The following C2CD2 variants were observed in gnomAD, a reference collection of about 807,000 sequenced individuals.
C2CD2 encodes the protein C2 domain-containing protein 2.
Under a neutral mutation model 74.3 loss-of-function variants are expected in C2CD2, and 43 were observed. That is an observed-to-expected ratio of 0.58 (90% CI 0.45 to 0.75). The LOEUF is 0.75. Ranked by LOEUF, C2CD2 falls within the 30% of genes least tolerant of loss-of-function variation. The probability of loss-of-function intolerance (pLI) is 0.00; values close to 1 mark genes in which losing one functional copy is unlikely to be tolerated. For synonymous variants in C2CD2, 422 were observed against 390.7 expected (o/e 1.08, Z -0.94); for missense variants, 801 against 916.3 (o/e 0.87, Z 1.63).
At position 41,905,310 on chromosome 21, in the gene C2CD2, CT is replaced by C. The variant is rs137969894; in HGVS notation, c.1432+413del. ...TTAACAAAACAAAAGCAAATCAAAA[CT>C]TTTTTTTTTTTTTTTTTTTTTTAAG... On this transcript the variant is annotated intron_variant, in intron 11 of 13. Transcript: ENST00000380486. 3.6e-3 allele frequency among the ~76,000 whole-genome samples: 446 copies of C among 125,308 alleles called. 1 individual carries two copies. The highest frequency in any genetic ancestry group is 0.016 in the East Asian group (68 of 4,372). 82.2% of individuals were successfully genotyped at this position (125,308 alleles called of 152,430 possible).
At chr21:41,897,801 C>G (rs1453647492) in intron 13 of C2CD2, among the ~76,000 whole-genome samples, 1 of 152,194 alleles carries the variant, frequency 6.6e-6, no homozygotes, top group Non-Finnish European at 1.5e-5. Context: ...GACAGTCCAG[C>G]CCATGGCAGG....
At chr21:41,922,595 C>T (rs1443278269) in intron 2 of C2CD2, among the ~76,000 whole-genome samples, 1 of 152,120 alleles carries the variant, frequency 6.6e-6, no homozygotes, top group Non-Finnish European at 1.5e-5. Context: ...CCACCTCAGC[C>T]TCCCAAGTAG....
rs1038092488 is a variant in C2CD2 at position 41,901,342 on chromosome 21, C to T, written c.1560+280G>A. 18 of 495,998 alleles carry T rather than the reference C, an allele frequency of 3.6e-5. 2 individuals carry two copies. The South Asian group carries it at 3.8e-4, about 10-fold the overall frequency. The allele number at this position is 495,998 out of a possible 1,614,324, so 30.7% of individuals were successfully genotyped here. ...CAAAGGGGAGTCTTACATCATGTTC[C>T]TCTCTTTCGATAATTTTTCTTGAAA... On this transcript the variant is annotated intron_variant, in intron 12 of 13. Coordinates refer to ENST00000380486, the MANE Select transcript of C2CD2 (RefSeq NM_015500.2).
At chr21:41,931,570 G>C (rs1267667877) in intron 2 of C2CD2, among the ~76,000 whole-genome samples, 1 of 149,542 alleles carries the variant, frequency 6.7e-6, no homozygotes, top group East Asian at 2.0e-4. Context: ...CTACAGGCGC[G>C]TGCCACCACG....
chr21:41,901,738 A>G lies in C2CD2; in HGVS notation c.1444T>C (p.Leu482=), dbSNP rs1463694694. 1.2e-6 allele frequency: 2 copies of G among 1,614,028 alleles called. No homozygotes were observed. The highest frequency in any genetic ancestry group is 2.2e-5 in the East Asian group (1 of 44,896). Reference sequence around the variant, plus strand: ...TCAGCCACTGGATCCGAACCATTCAACACCAACAATTCTACCAGAAGGAAG... The same window carrying G: ...TCAGCCACTGGATCCGAACCATTCAGCACCAACAATTCTACCAGAAGGAAG... ...LSSSDTELLV[L]NGSDPVAEVA... is the part of the protein sequence containing the mutation. The change falls in exon 12 of 14, where the codon TTG becomes CTG. Residue 482 remains leucine, a synonymous_variant. Transcript: ENST00000380486.
rs117747810 is a variant in C2CD2 at position 41,932,735 on chromosome 21, G to A, written c.378+9412C>T. Among the ~76,000 whole-genome samples, 69 of 150,136 alleles carry A rather than the reference G, an allele frequency of 4.6e-4. 5 individuals are homozygous for A. Among genetic ancestry groups the A allele is most frequent in the Non-Finnish European group, 8.8e-4 (59 of 66,920 alleles). On this transcript the variant is annotated intron_variant, in intron 2 of 13. Coordinates refer to ENST00000380486, the MANE Select transcript of C2CD2 (RefSeq NM_015500.2). ...GGTGTGGACTCTGCACTTATCTATC[G>A]TTGGTCCTGTGGGATGACTCAAGCT...
intron 1 of C2CD2, among the ~76,000 whole-genome samples, chr21:41,946,166 AC>A (rs1463595064): frequency 1.3e-5 from 2 of 152,196 alleles, no homozygotes; most frequent in Non-Finnish European, 2.9e-5. Flanking sequence ...CACAAGATAC[AC>A]CAATGGTTGC....
At chr21:41,908,264 A>G (rs917398857) in intron 8 of C2CD2, 2 of 36,766 alleles carry the variant, frequency 5.4e-5, no homozygotes, top group Non-Finnish European at 1.3e-4. Context: ...TGTGTGTGTA[A>G]AAGAAAATGA....
At chr21:41,947,953 G>A (rs76383191) in intron 1 of C2CD2, among the ~76,000 whole-genome samples, 56 of 152,286 alleles carry the variant, frequency 3.7e-4, no homozygotes, top group Non-Finnish European at 5.9e-4. Context: ...GGAAGTTAGC[G>A]TTGGGGGAAT....
At chr21:41,930,864 C>A (rs954701685) in intron 2 of C2CD2, among the ~76,000 whole-genome samples, 1 of 150,140 alleles carries the variant, frequency 6.7e-6, no homozygotes, top group East Asian at 1.9e-4. Context: ...GGACCTCAGA[C>A]CCCCAGGGAA....
Position 41,899,999 on chromosome 21 carries a change from T to C in C2CD2, c.1561-637A>G, listed in dbSNP as rs1158453713. Reference sequence around the variant, plus strand: ...CCAGTCATGCTGTTCTTGGTGTGGGTGGCAGTGACACAGGCGTTTGCTTAG... The same window carrying C: ...CCAGTCATGCTGTTCTTGGTGTGGGCGGCAGTGACACAGGCGTTTGCTTAG... On this transcript the variant is annotated intron_variant, in intron 12 of 13. Coordinates refer to ENST00000380486, the MANE Select transcript of C2CD2 (RefSeq NM_015500.2). This position sits in a 1 kb window ranked among gnomAD's most constrained non-coding sequence, Gnocchi z 4.4. Among the ~76,000 whole-genome samples, 1 of 151,934 alleles carries C rather than the reference T, an allele frequency of 6.6e-6. No individual in the cohort carries two copies. Among genetic ancestry groups the C allele is most frequent in the East Asian group, 1.9e-4 (1 of 5,172 alleles).
At position 41,942,212 on chromosome 21, in the gene C2CD2, G is replaced by T; in HGVS notation, c.313C>A (p.Arg105=). 2.6e-6 allele frequency: 4 copies of T among 1,549,604 alleles called. No homozygotes were observed. Among genetic ancestry groups the T allele is most frequent in the Non-Finnish European group, 2.6e-6 (3 of 1,146,818 alleles). Residue 105 remains arginine (R), a synonymous_variant, in exon 2 of 14, where the codon CGG becomes AGG. Transcript: ENST00000380486. ...ACCACCAGCTCCAGTGCCTGCTGCCGCGGGTCCTCCTCAAAGGACAGGAAA... is the reference window on the plus strand; with the variant it reads ...ACCACCAGCTCCAGTGCCTGCTGCCTCGGGTCCTCCTCAAAGGACAGGAAA... The part of the protein sequence containing the change: ...PPFLSFEEDP[R]QQALELVVQE...
intron 12 of C2CD2, among the ~76,000 whole-genome samples, chr21:41,900,273 CA>C (rs1004170004): frequency 6.6e-6 from 1 of 151,402 alleles, no homozygotes; most frequent in Non-Finnish European, 1.5e-5. Flanking sequence ...GACTCCGTCT[CA>C]AAAAAATAAA....
chr21:41,942,722 C>T (rs2065365155), intron 1 of C2CD2, among the ~76,000 whole-genome samples: 1 of 152,160 alleles, frequency 6.6e-6, no homozygotes, highest in Non-Finnish European at 1.5e-5. Context: ...TCTCCTGTTG[C>T]GTGTGGTTGC....
At chr21:41,902,033 T>A (rs1324615983) in intron 11 of C2CD2, among the ~76,000 whole-genome samples, 1 of 152,188 alleles carries the variant, frequency 6.6e-6, no homozygotes, top group Non-Finnish European at 1.5e-5. Flanking sequence ...ATTTTTCCTA[T>A]GGGCCATAGT....
chr21:41,901,932 T>C (rs1452018438), intron 11 of C2CD2, among the ~76,000 whole-genome samples, 183 bp from the exon 12 acceptor site: 1 of 152,218 alleles, frequency 6.6e-6, no homozygotes, highest in Non-Finnish European at 1.5e-5. Context: ...GCAGCTTTTA[T>C]AGAGTGAAAC....
At chr21:41,935,189 A>G (rs938056282) in intron 2 of C2CD2, among the ~76,000 whole-genome samples, 4 of 152,190 alleles carry the variant, frequency 2.6e-5, no homozygotes, top group Non-Finnish European at 1.5e-5. Context: ...CGCGCTGGCC[A>G]GCCTTGACTC....
rs1230634183 is a variant in C2CD2 at position 41,887,485 on chromosome 21, A to G, written c.*1639T>C. The G allele has an allele frequency of 6.6e-6, 1 of 152,024 alleles. No homozygotes were observed. The highest frequency in any genetic ancestry group is 2.4e-5 in the African/African-American group (1 of 41,434). 9.4% of individuals were successfully genotyped at this position (152,024 alleles called of 1,614,324 possible). ...AATCCTATAATTTTGGTTTTTATAC[A>G]GGTTTTTACTAAAAAAGAAAAAAAT... On this transcript the variant is annotated 3_prime_UTR_variant, in exon 14 of 14. Coordinates refer to ENST00000380486, the MANE Select transcript of C2CD2 (RefSeq NM_015500.2).
At position 41,898,650 on chromosome 21, in the gene C2CD2, C is replaced by G. The variant is rs1242069914; in HGVS notation, c.1870+403G>C. 2.0e-5 allele frequency among the ~76,000 whole-genome samples: 3 copies of G among 152,196 alleles called. No homozygotes were observed. The East Asian group carries it at 5.8e-4, about 29-fold the overall frequency. ...GTTTCAGGTGCAGGGAGACTCTTGACAGGCACAAAGGAGCAAAGATGTCCA... is the reference window on the plus strand; with the variant it reads ...GTTTCAGGTGCAGGGAGACTCTTGAGAGGCACAAAGGAGCAAAGATGTCCA... On this transcript the variant is annotated intron_variant, in intron 13 of 13. Coordinates refer to ENST00000380486, the MANE Select transcript of C2CD2 (RefSeq NM_015500.2).
Sources: allele counts gnomAD v4.1 joint callset (sites outside exome capture counted in the v4.1 genomes callset), GRCh38; gene constraint gnomAD v4.1.1; non-coding constraint Gnocchi (gnomAD v3.1); transcripts MANE v1.5; gene names NCBI Gene and HGNC (gene_info 2026-07-23, HGNC 2026-07-21).